Variants in DR1 observed in about 807,000 individuals in gnomAD.
DR1 encodes the protein protein Dr1.
DR1 carries 7 observed loss-of-function variants against 19.9 expected under a neutral mutation model. The observed-to-expected ratio is 0.35, with a 90% CI of 0.20 to 0.66. The LOEUF (loss-of-function observed/expected upper bound fraction) is 0.66, where lower values mean the gene tolerates loss of function less well. DR1 is among the 30% of genes least tolerant of loss of function. The probability of loss-of-function intolerance (pLI) is 0.66; values close to 1 mark genes in which losing one functional copy is unlikely to be tolerated. For synonymous variants in DR1, 76 were observed against 72.5 expected (o/e 1.05, Z -0.24); for missense variants, 98 against 203.7 (o/e 0.48, Z 3.16).
intron 1 of DR1, among the ~76,000 whole-genome samples, chr1:93,347,146 C>A (rs1666858198): frequency 6.6e-6 from 1 of 152,092 alleles, no homozygotes; most frequent in Admixed American, 6.5e-5. Flanking sequence ...CCAGGTAAGC[C>A]GAAGCAACAA....
chr1:93,365,208 G>A lies in DR1; in HGVS notation c.*4569G>A, dbSNP rs1023101506. On this transcript the variant is annotated 3_prime_UTR_variant, in exon 3 of 3. Coordinates refer to ENST00000370272, the MANE Select transcript of DR1 (RefSeq NM_001938.3). ...GCTAGATTACAGTGACTATTCACAG[G>A]CATAATCATAATGCACCATAGCCTC... is the stretch of plus-strand genomic sequence containing the variant. 2.0e-5 allele frequency: 3 copies of A among 152,112 alleles called. No individual in the cohort carries two copies. Among genetic ancestry groups the A allele is most frequent in the Admixed American group, 6.5e-5 (1 of 15,268 alleles). 9.4% of individuals were successfully genotyped at this position (152,112 alleles called of 1,614,324 possible). A position where few individuals can be genotyped will look rare whatever the true frequency, so the allele number is the denominator to read the frequency against.
Position 93,369,002 on chromosome 1 carries a change from T to C in DR1, c.*8363T>C, listed in dbSNP as rs959377835. The C allele has an allele frequency of 6.6e-6, 1 of 152,018 alleles. No homozygotes were observed. The highest frequency in any genetic ancestry group is 1.5e-5 in the Non-Finnish European group (1 of 67,976). 9.4% of individuals were successfully genotyped at this position (152,018 alleles called of 1,614,324 possible). ...ACCCAACAATGAAATAGTATAAATT[T>C]TAAAAATAATATAACAATATTTATA... is the stretch of plus-strand genomic sequence containing the variant. On this transcript the variant is annotated 3_prime_UTR_variant, in exon 3 of 3. Transcript: ENST00000370272.
At position 93,346,014 on chromosome 1, in the gene DR1, G is replaced by C. The variant is rs1666826335; in HGVS notation, c.-632G>C. On this transcript the variant is annotated 5_prime_UTR_variant, in exon 1 of 3. Coordinates refer to ENST00000370272, the MANE Select transcript of DR1 (RefSeq NM_001938.3). Reference sequence around the variant, plus strand: ...ATCTGCGTTCGGGCTACGCGGCCACGGCGGCAGCCACTGCGACTCCCACTG... The same window carrying C: ...ATCTGCGTTCGGGCTACGCGGCCACCGCGGCAGCCACTGCGACTCCCACTG... 1 of 154,744 alleles carries C rather than the reference G, an allele frequency of 6.5e-6. No homozygotes were observed. The highest frequency in any genetic ancestry group is 1.9e-4 in the East Asian group (1 of 5,206). The allele number at this position is 154,744 out of a possible 1,614,324, so 9.6% of individuals were successfully genotyped here.
chr1:93,359,739 G>A (rs1182811321), intron 2 of DR1, among the ~76,000 whole-genome samples: 1 of 152,166 alleles, frequency 6.6e-6, no homozygotes, highest in African/African-American at 2.4e-5. Flanking sequence ...CTGTTTCATA[G>A]GTAATTAATA....
chr1:93,357,960 A>G (rs1423751907), intron 2 of DR1, among the ~76,000 whole-genome samples: 1 of 152,200 alleles, frequency 6.6e-6, no homozygotes, highest in African/African-American at 2.4e-5. Context: ...TAACTATAAT[A>G]TGAGGCTGAC....
At position 93,362,638 on chromosome 1, in the gene DR1, A is replaced by G. The variant is rs1043617523; in HGVS notation, c.*1999A>G. On this transcript the variant is annotated 3_prime_UTR_variant, in exon 3 of 3. Coordinates refer to ENST00000370272, the MANE Select transcript of DR1 (RefSeq NM_001938.3). ...CTATAGAGAGATTTCTATTATTACC[A>G]TTTTTACTATTTTCAAGAATCTTAG... The G allele has an allele frequency of 6.6e-6, 1 of 151,652 alleles. No homozygotes were observed. The highest frequency in any genetic ancestry group is 2.4e-5 in the African/African-American group (1 of 41,284). 9.4% of individuals were successfully genotyped at this position (151,652 alleles called of 1,614,324 possible).
chr1:93,362,681 G>A lies in DR1; in HGVS notation c.*2042G>A, dbSNP rs1029471176. On this transcript the variant is annotated 3_prime_UTR_variant, in exon 3 of 3. Transcript: ENST00000370272. ...AATCTTAGGCCCAAAAGACATTTTG[G>A]TCATTTGGTATGTAGTACCTGCCTT... is the stretch of plus-strand genomic sequence containing the variant. 1.3e-5 allele frequency: 2 copies of A among 151,480 alleles called. No individual in the cohort carries two copies. Among genetic ancestry groups the A allele is most frequent in the Non-Finnish European group, 3.0e-5 (2 of 67,770 alleles). The allele number at this position is 151,480 out of a possible 1,614,324, so 9.4% of individuals were successfully genotyped here.
chr1:93,365,932 G>A lies in DR1; in HGVS notation c.*5293G>A, dbSNP rs771454. 0.098 allele frequency: 14,863 copies of A among 152,166 alleles called. 976 individuals carry two copies. Among genetic ancestry groups the A allele is most frequent in the East Asian group, 0.28 (1,464 of 5,170 alleles). The allele number at this position is 152,166 out of a possible 1,614,324, so 9.4% of individuals were successfully genotyped here. A position where few individuals can be genotyped will look rare whatever the true frequency, so the allele number is the denominator to read the frequency against. ...AGCATTTTTTATTGTGATTAAATATGCATATCGTAAAATTCACCACTTTAA... is the reference window on the plus strand; with the variant it reads ...AGCATTTTTTATTGTGATTAAATATACATATCGTAAAATTCACCACTTTAA... On this transcript the variant is annotated 3_prime_UTR_variant, in exon 3 of 3. Coordinates refer to ENST00000370272, the MANE Select transcript of DR1 (RefSeq NM_001938.3).
Position 93,346,332 on chromosome 1 carries a change from T to C in DR1, c.-314T>C, listed in dbSNP as rs995656083. On this transcript the variant is annotated 5_prime_UTR_variant, in exon 1 of 3. Coordinates refer to ENST00000370272, the MANE Select transcript of DR1 (RefSeq NM_001938.3). ...AGTTAGGCGACAGCGCCCGCCCCTC[T>C]GAGGAGACACGAAGGTGGTTCCCCA... The C allele has an allele frequency of 5.1e-6, 2 of 388,556 alleles. No individual in the cohort carries two copies. The highest frequency in any genetic ancestry group is 4.1e-5 in the African/African-American group (2 of 48,482). 24.1% of individuals were successfully genotyped at this position (388,556 alleles called of 1,614,324 possible).
intron 2 of DR1, among the ~76,000 whole-genome samples, chr1:93,357,202 G>A (rs1666997365): frequency 6.6e-6 from 1 of 152,144 alleles, no homozygotes. Flanking sequence ...TGAAGTTTTT[G>A]TTTACTGTAA....
rs1396912123 is a variant in DR1 at position 93,363,126 on chromosome 1, G to C, written c.*2487G>C. 1 of 151,918 alleles carries C rather than the reference G, an allele frequency of 6.6e-6. No homozygotes were observed. Among genetic ancestry groups the C allele is most frequent in the Non-Finnish European group, 1.5e-5 (1 of 67,968 alleles). The allele number at this position is 151,918 out of a possible 1,614,324, so 9.4% of individuals were successfully genotyped here. Reference sequence around the variant, plus strand: ...ACAAATTAAACAAACTCACATACTAGTCTTCAGATCAAAACACAGAGCATT... The same window carrying C: ...ACAAATTAAACAAACTCACATACTACTCTTCAGATCAAAACACAGAGCATT... On this transcript the variant is annotated 3_prime_UTR_variant, in exon 3 of 3. Coordinates refer to ENST00000370272, the MANE Select transcript of DR1 (RefSeq NM_001938.3).
intron 1 of DR1, among the ~76,000 whole-genome samples, chr1:93,351,040 A>G (rs894889094): frequency 6.6e-6 from 1 of 152,184 alleles, no homozygotes; most frequent in Non-Finnish European, 1.5e-5. Flanking sequence ...CTGTATGTAA[A>G]TGGTGGCCCT....
intron 2 of DR1, chr1:93,354,845 T>C (rs187315944): frequency 8.2e-4 from 125 of 152,272 alleles, no homozygotes; most frequent in African/African-American, 2.8e-3. Flanking sequence ...TCTTAAGTAT[T>C]GTTGGTCACT....
Position 93,366,391 on chromosome 1 carries a change from CT to C in DR1, c.*5754del, listed in dbSNP as rs930693828. On this transcript the variant is annotated 3_prime_UTR_variant, in exon 3 of 3. Transcript: ENST00000370272. Reference sequence around the variant, plus strand: ...AAATAACTGTTTGAGTCCTAATAGGCTTGTTATTTTTGAGTGCACAGATCTG... The same window carrying C: ...AAATAACTGTTTGAGTCCTAATAGGCTGTTATTTTTGAGTGCACAGATCTG... 12 of 152,098 alleles carry C rather than the reference CT, an allele frequency of 7.9e-5. No homozygotes were observed. Among genetic ancestry groups the C allele is most frequent in the Non-Finnish European group, 1.6e-4 (11 of 68,018 alleles). The allele number at this position is 152,098 out of a possible 1,614,324, so 9.4% of individuals were successfully genotyped here.
At chr1:93,358,734 C>T (rs900638170) in intron 2 of DR1, among the ~76,000 whole-genome samples, 8 of 152,194 alleles carry the variant, frequency 5.3e-5, no homozygotes, top group African/African-American at 1.9e-4. Flanking sequence ...TTCATGACAT[C>T]TTCATGTTCT....
Position 93,346,557 on chromosome 1 carries a change from G to A in DR1, c.-89G>A. 1 of 1,156,528 alleles carries A rather than the reference G, an allele frequency of 8.6e-7. No individual in the cohort carries two copies. The highest frequency in any genetic ancestry group is 1.3e-6 in the Non-Finnish European group (1 of 794,516). 71.6% of individuals were successfully genotyped at this position (1,156,528 alleles called of 1,614,324 possible). ...AAAGCACCCCCCGGGATCACTCTCC[G>A]AGGGCGACTTTTTGAGAAATCTCGG... On this transcript the variant is annotated 5_prime_UTR_variant, in exon 1 of 3. Coordinates refer to ENST00000370272, the MANE Select transcript of DR1 (RefSeq NM_001938.3).
intron 1 of DR1, among the ~76,000 whole-genome samples, chr1:93,352,582 A>G (rs1666927696): frequency 6.6e-6 from 1 of 152,206 alleles, no homozygotes; most frequent in East Asian, 1.9e-4. Flanking sequence ...TTGCATGGGC[A>G]TGTAGATTTG....
chr1:93,356,867 A>G (rs938798751), intron 2 of DR1, among the ~76,000 whole-genome samples: 3 of 151,958 alleles, frequency 2.0e-5, no homozygotes, highest in Admixed American at 6.6e-5. Flanking sequence ...GATTACAGGC[A>G]TGCACCACCA....
rs1356517976 is a variant in DR1, at chr1:93,364,062, A to G, written c.*3423A>G. 6.6e-6 allele frequency: 1 copy of G among 152,170 alleles called. No homozygotes were observed. The highest frequency in any genetic ancestry group is 1.5e-5 in the Non-Finnish European group (1 of 68,022). 9.4% of individuals were successfully genotyped at this position (152,170 alleles called of 1,614,324 possible). A position where few individuals can be genotyped will look rare whatever the true frequency, so the allele number is the denominator to read the frequency against. ...GTGTATATTTTCAGTTTTAGTATTT[A>G]CTGTCAAACAGTTTTCCAAAGTGAC... On this transcript the variant is annotated 3_prime_UTR_variant, in exon 3 of 3. Transcript: ENST00000370272.
Sources: gnomAD v4.1 joint callset for allele counts (sites outside exome capture counted in the v4.1 genomes callset) on GRCh38, gnomAD v4.1.1 for gene constraint, MANE v1.5 for transcripts, NCBI Gene and HGNC (gene_info 2026-07-23, HGNC 2026-07-21) for gene names.